Variants in COLEC12 observed in about 807,000 individuals in gnomAD.
COLEC12 encodes the protein collectin-12.
A neutral mutation model predicts 71.1 loss-of-function variants in COLEC12; 33 were observed. That is an observed-to-expected ratio of 0.46 (90% CI 0.35 to 0.62). The LOEUF is 0.62. Among genes scored for constraint, COLEC12 ranks in the 20% least tolerant of loss-of-function variants. The probability of loss-of-function intolerance (pLI) is 0.00; values close to 1 mark genes in which losing one functional copy is unlikely to be tolerated. For missense variants in COLEC12, 765 were observed against 916.1 expected (o/e 0.84, Z 2.13); for synonymous variants, 350 against 353.0 (o/e 0.99, Z 0.10).
At chr18:360,460 G>A (rs942893855) in intron 2 of COLEC12, among the ~76,000 whole-genome samples, 1 of 152,108 alleles carries the variant, frequency 6.6e-6, no homozygotes, top group Non-Finnish European at 1.5e-5. Context: ...CAAAGTGCTG[G>A]GAGTATAGGT....
chr18:435,225 A>T (rs1473624180), intron 2 of COLEC12, among the ~76,000 whole-genome samples: 1 of 152,204 alleles, frequency 6.6e-6, no homozygotes, highest in African/African-American at 2.4e-5. Context: ...GTCCATTCTC[A>T]CACTGCTATG....
chr18:335,876 T>C (rs1914108964), intron 5 of COLEC12, among the ~76,000 whole-genome samples: 1 of 152,170 alleles, frequency 6.6e-6, no homozygotes, highest in South Asian at 2.1e-4. Context: ...TCCTTCATGG[T>C]GACACTGACA....
At chr18:331,879 G>C (rs1913991442) in intron 7 of COLEC12, 102 bp from the exon 8 acceptor site, 1 of 719,946 alleles carries the variant, frequency 1.4e-6, no homozygotes, top group Admixed American at 2.5e-5. Context: ...ATTTAAAAGA[G>C]GATGGTTGTC....
intron 2 of COLEC12, among the ~76,000 whole-genome samples, chr18:409,302 A>G (rs762761233): frequency 3.3e-5 from 5 of 152,206 alleles, no homozygotes; most frequent in Non-Finnish European, 5.9e-5. Flanking sequence ...CCACTTCGGG[A>G]GGCCGAGGCG....
At chr18:461,251 A>C (rs572288823) in intron 2 of COLEC12, among the ~76,000 whole-genome samples, 26 of 151,536 alleles carry the variant, frequency 1.7e-4, no homozygotes, top group Non-Finnish European at 3.5e-4. Flanking sequence ...AGCAATATTA[A>C]AAGGTAAAAG....
intron 1 of COLEC12, among the ~76,000 whole-genome samples, chr18:483,914 C>T (rs565905127): frequency 2.0e-5 from 3 of 152,342 alleles, no homozygotes; most frequent in East Asian, 1.9e-4. Flanking sequence ...CCCAGACATC[C>T]GTGCCCTTGG....
At chr18:348,185 A>G (rs780028948) in intron 3 of COLEC12, 22 bp from the exon 4 acceptor site, 7 of 1,361,192 alleles carry the variant, frequency 5.1e-6, no homozygotes, top group Admixed American at 3.4e-5. Flanking sequence ...AAAATGATGC[A>G]TTAGTATACA....
chr18:488,239 C>T (rs1179050894), intron 1 of COLEC12, among the ~76,000 whole-genome samples: 2 of 151,548 alleles, frequency 1.3e-5, no homozygotes, highest in Non-Finnish European at 2.9e-5. Context: ...GGTGAAACCT[C>T]GTCTCTACTA....
intron 3 of COLEC12, among the ~76,000 whole-genome samples, chr18:352,576 C>A (rs896559162): frequency 6.6e-6 from 1 of 152,060 alleles, no homozygotes; most frequent in Non-Finnish European, 1.5e-5. Context: ...TTTCCCTGCC[C>A]ACAAGTGCTA....
At chr18:363,609 C>T (rs536078344) in intron 2 of COLEC12, among the ~76,000 whole-genome samples, 30 of 152,106 alleles carry the variant, frequency 2.0e-4, no homozygotes, top group South Asian at 1.9e-3. Flanking sequence ...AACAGTAAAA[C>T]GGATGATTCA....
At chr18:476,966 T>C (rs1287827326) in intron 2 of COLEC12, among the ~76,000 whole-genome samples, 1 of 152,196 alleles carries the variant, frequency 6.6e-6, no homozygotes, top group Non-Finnish European at 1.5e-5. Flanking sequence ...TTGACGCTTT[T>C]GTCAGAGGAG....
chr18:454,866 G>C (rs987387438), intron 2 of COLEC12, among the ~76,000 whole-genome samples: 1 of 152,202 alleles, frequency 6.6e-6, no homozygotes, highest in African/African-American at 2.4e-5. Flanking sequence ...CTAAAACAGA[G>C]TCTGGCATAT....
chr18:469,680 A>G (rs980690740), intron 2 of COLEC12, among the ~76,000 whole-genome samples: 2 of 152,082 alleles, frequency 1.3e-5, no homozygotes, highest in South Asian at 4.1e-4. Flanking sequence ...CCCGCCCCCA[A>G]CTGTTTTACT....
intron 1 of COLEC12, among the ~76,000 whole-genome samples, chr18:489,739 T>C (rs2143788078): frequency 6.6e-6 from 1 of 152,188 alleles, no homozygotes; most frequent in African/African-American, 2.4e-5. Context: ...CAACACTGAA[T>C]GTGGATCTGA....
intron 2 of COLEC12, among the ~76,000 whole-genome samples, chr18:404,671 T>C (rs964725832): frequency 4.6e-5 from 7 of 152,332 alleles, no homozygotes; most frequent in East Asian, 1.9e-4. Flanking sequence ...CTTATGCCTG[T>C]CTTTACTTTA....
chr18:436,941 G>A (rs1916419169), intron 2 of COLEC12, among the ~76,000 whole-genome samples: 1 of 152,190 alleles, frequency 6.6e-6, no homozygotes, highest in Non-Finnish European at 1.5e-5. Flanking sequence ...ATAAAACGAT[G>A]AGTAGCACAA....
At chr18:432,804 G>A (rs942656705) in intron 2 of COLEC12, among the ~76,000 whole-genome samples, 1 of 152,098 alleles carries the variant, frequency 6.6e-6, no homozygotes, top group Non-Finnish European at 1.5e-5. Context: ...CCCTTCCGGC[G>A]CTCACCTCCC....
intron 2 of COLEC12, among the ~76,000 whole-genome samples, chr18:385,425 A>G (rs1297852934): frequency 6.7e-6 from 1 of 150,058 alleles, no homozygotes; most frequent in East Asian, 2.0e-4. Context: ...CCCGGGCTCA[A>G]GCGATTCTCC....
chr18:391,842 A>T (rs145386643), intron 2 of COLEC12, among the ~76,000 whole-genome samples: 439 of 152,330 alleles, frequency 2.9e-3, no homozygotes, highest in Non-Finnish European at 5.0e-3. Flanking sequence ...GTTTATCCTT[A>T]TTATTTACAA....
Sources: allele counts gnomAD v4.1 joint callset (sites outside exome capture counted in the v4.1 genomes callset), GRCh38; gene constraint gnomAD v4.1.1; transcripts MANE v1.5; gene names NCBI Gene and HGNC (gene_info 2026-07-23, HGNC 2026-07-21).